Variants in SCAP observed in about 807,000 individuals in gnomAD.
SCAP encodes sterol regulatory element-binding protein cleavage-activating protein.
A neutral mutation model predicts 123.6 loss-of-function variants in SCAP; 65 were observed. That is an observed-to-expected ratio of 0.53 (90% CI 0.43 to 0.65). The LOEUF is 0.65. Among genes scored for constraint, SCAP ranks in the 30% least tolerant of loss-of-function variants. SCAP has a pLI of 0.00. For synonymous variants in SCAP, 740 were observed against 726.3 expected (o/e 1.02, Z -0.30); for missense variants, 1,398 against 1,712.5 (o/e 0.82, Z 3.24).
Position 47,422,538 on chromosome 3 carries a change from T to C in SCAP, c.1151-2A>G. On this transcript the variant is annotated splice_acceptor_variant, in intron 9 of 22. Transcript: ENST00000265565. LOFTEE classifies it high-confidence loss of function. ...TGGACCAGCTCTCGCTGCTTAGGCCTGCAGAGGGCAGCAACAGGGCACAGG... is the reference window on the plus strand; with the variant it reads ...TGGACCAGCTCTCGCTGCTTAGGCCCGCAGAGGGCAGCAACAGGGCACAGG... The C allele has an allele frequency of 1.2e-6, 2 of 1,609,978 alleles. No individual in the cohort carries two copies. The highest frequency in any genetic ancestry group is 1.7e-6 in the Non-Finnish European group (2 of 1,177,394).
At chr3:47,425,900 C>G in intron 7 of SCAP, 97 bp downstream of exon 7, 5 of 1,397,232 alleles carry the variant, frequency 3.6e-6, no homozygotes, top group Non-Finnish European at 3.9e-6. Flanking sequence ...TGTTCTATCT[C>G]TCTACCCCAA....
intron 1 of SCAP, among the ~76,000 whole-genome samples, chr3:47,452,971 C>T (rs1707280297): frequency 6.6e-6 from 1 of 151,938 alleles, no homozygotes; most frequent in Admixed American, 6.6e-5. Flanking sequence ...TGGCTCATGA[C>T]TGTAGTCCTG....
intron 14 of SCAP, 29 bp downstream of exon 14, chr3:47,418,626 T>TTCCACCCC: frequency 6.9e-7 from 1 of 1,459,576 alleles, no homozygotes; most frequent in Non-Finnish European, 9.5e-7. Flanking sequence ...CCGCACTCTT[T>TTCCACCCC]CCCACCCCAC....
rs756588071 is a variant in SCAP, at chr3:47,413,910, A to C, written c.3784T>G (p.Phe1262Val). ...VLDNAAIVCN[F>V]GSELSLVYVP... ...TACACCAGGCTGAGCTCACTGCCAA[A>C]GTTGCAGACAATGGCAGCGTTGTCC... The change falls in exon 23 of 23, where the codon TTT becomes GTT. Residue 1262 changes from phenylalanine (F) to valine (V), a missense_variant. This residue lies in a region of SCAP where 130 missense variants were observed against 166.7 expected (regional missense o/e 0.78). Transcript: ENST00000265565. The C allele has an allele frequency of 6.2e-7, 1 of 1,613,248 alleles. No homozygotes were observed. Among genetic ancestry groups the C allele is most frequent in the Non-Finnish European group, 8.5e-7 (1 of 1,180,030 alleles).
chr3:47,459,467 G>C (rs765843524), intron 1 of SCAP, among the ~76,000 whole-genome samples: 1 of 152,110 alleles, frequency 6.6e-6, no homozygotes, highest in Non-Finnish European at 1.5e-5. Context: ...TCTATTTTCC[G>C]TAAGTGTCGG....
chr3:47,420,495 A>G lies in SCAP; in HGVS notation c.1563+59T>C, dbSNP rs1705843757. On this transcript the variant is annotated intron_variant, in intron 12 of 22. Coordinates refer to ENST00000265565, the MANE Select transcript of SCAP (RefSeq NM_012235.4). The surrounding 1 kb of genome is among the most constrained non-coding windows in gnomAD (Gnocchi z 5.0). Reference sequence around the variant, plus strand: ...CTCTAAGGCCAAGTGCAGCACCACAAGGGGCCTGGAGCACCGGCCCTCCAG... The same window carrying G: ...CTCTAAGGCCAAGTGCAGCACCACAGGGGGCCTGGAGCACCGGCCCTCCAG... The G allele has an allele frequency of 7.0e-7, 1 of 1,436,100 alleles. No individual in the cohort carries two copies. The highest frequency in any genetic ancestry group is 2.4e-5 in the East Asian group (1 of 41,510). The allele number at this position is 1,436,100 out of a possible 1,614,324, so 89.0% of individuals were successfully genotyped here.
Position 47,475,909 on chromosome 3 carries a change from G to A in SCAP, c.-209C>T, listed in dbSNP as rs1422240639. 1 of 153,720 alleles carries A rather than the reference G, an allele frequency of 6.5e-6. No individual in the cohort carries two copies. Among genetic ancestry groups the A allele is most frequent in the East Asian group, 1.9e-4 (1 of 5,278 alleles). The allele number at this position is 153,720 out of a possible 1,614,324, so 9.5% of individuals were successfully genotyped here. On this transcript the variant is annotated 5_prime_UTR_variant, in exon 1 of 23. Transcript: ENST00000265565. Reference sequence around the variant, plus strand: ...CTCGGCCCGCAGTCCGGTGCGTGGCGCCCTCCCTCTCTCTCCTGGCCGCCG... The same window carrying A: ...CTCGGCCCGCAGTCCGGTGCGTGGCACCCTCCCTCTCTCTCCTGGCCGCCG...
intron 6 of SCAP, 28 bp from the exon 7 acceptor site, chr3:47,426,197 TG>T (rs1336908287): frequency 2.5e-6 from 4 of 1,602,944 alleles, no homozygotes; most frequent in African/African-American, 2.7e-5. Context: ...TGGGGGTAAA[TG>T]GAAGTGTTGC....
chr3:47,428,785 A>T, intron 3 of SCAP, 115 bp from the exon 4 acceptor site: 2 of 1,125,620 alleles, frequency 1.8e-6, no homozygotes. Context: ...AGTTAAAGAA[A>T]CCAATGACTA....
chr3:47,418,982 G>A (rs969253771), intron 13 of SCAP, 139 bp from the exon 14 acceptor site: 2 of 981,894 alleles, frequency 2.0e-6, no homozygotes, highest in Non-Finnish European at 2.9e-6. Context: ...GGGGGTTGGG[G>A]ACAGAGGTAG....
intron 17 of SCAP, 38 bp downstream of exon 17, chr3:47,417,266 G>A (rs762724444): frequency 3.0e-5 from 48 of 1,611,706 alleles, no homozygotes; most frequent in African/African-American, 5.3e-5. Context: ...TCCCCGGGGC[G>A]GACAGCCGCT....
intron 1 of SCAP, among the ~76,000 whole-genome samples, chr3:47,460,430 GAT>G (rs1190887467): frequency 6.6e-6 from 1 of 152,186 alleles, no homozygotes; most frequent in Non-Finnish European, 1.5e-5. Context: ...TTTGGGAACT[GAT>G]ATATGTCCAT....
upstream of SCAP, among the ~76,000 whole-genome samples, chr3:47,476,726 C>T (rs146752387): frequency 9.6e-4 from 146 of 152,280 alleles, no homozygotes; most frequent in African/African-American, 3.3e-3. Flanking sequence ...CAGGGCCTCA[C>T]AGAAGGGGAA....
In SCAP at chr3:47,469,344, C is replaced by CA. The variant is rs1281162636; in HGVS notation, c.-99+6454dup. 6.9e-4 allele frequency among the ~76,000 whole-genome samples: 103 copies of CA among 149,560 alleles called. 1 individual carries two copies. In the East Asian group the frequency reaches 0.012, roughly 18 times the overall value. On this transcript the variant is annotated intron_variant, in intron 1 of 22. Coordinates refer to ENST00000265565, the MANE Select transcript of SCAP (RefSeq NM_012235.4). ...CTTGAGTGACAAGGAGACTCCGTCT[C>CA]AAAAAAAAAATCACCAAATAATTTT...
intron 1 of SCAP, among the ~76,000 whole-genome samples, chr3:47,455,594 C>CAAAA (rs544006040): frequency 1.0e-3 from 43 of 42,374 alleles, no homozygotes; most frequent in Admixed American, 2.2e-3. Context: ...GACTCCACCT[C>CAAAA]AAAAAAAAAA....
intron 1 of SCAP, 177 bp from the exon 2 acceptor site, chr3:47,443,268 ACACACACACTCTCTCTCTCTCTCT>A (rs1706882738): frequency 7.0e-6 from 1 of 142,540 alleles, no homozygotes; most frequent in African/African-American, 5.0e-5. Flanking sequence ...ACACACACAC[ACACACACACTCTCTCTCTCTCTCT>A]CTCTCTCTCT....
rs775823404 is a variant in SCAP at position 47,418,840 on chromosome 3, G to A, written c.1944C>T (p.Tyr648=). 2 of 1,521,716 alleles carry A rather than the reference G, an allele frequency of 1.3e-6. No individual in the cohort carries two copies. The highest frequency in any genetic ancestry group is 1.8e-6 in the Non-Finnish European group (2 of 1,138,188). The allele number at this position is 1,521,716 out of a possible 1,614,324, so 94.3% of individuals were successfully genotyped here. ...CTGGGATGACGGGCAGCAGGCTGAT[G>A]TACCTGGATTCGGACAGTGGGCAGC... The part of the protein sequence containing the change: ...SYYNITLAKR[Y]ISLLPVIPVT... The change falls in exon 14 of 23, where the codon TAC becomes TAT. Residue 648 remains tyrosine, a synonymous_variant. Transcript: ENST00000265565.
intron 1 of SCAP, among the ~76,000 whole-genome samples, chr3:47,455,719 A>G (rs1331722230): frequency 6.6e-6 from 1 of 152,184 alleles, no homozygotes; most frequent in Non-Finnish European, 1.5e-5. Flanking sequence ...ATATAACGTA[A>G]CCAAAGTGTC....
chr3:47,416,906 G>A (rs367786459), intron 18 of SCAP, among the ~76,000 whole-genome samples: 2 of 151,824 alleles, frequency 1.3e-5, no homozygotes, highest in Non-Finnish European at 2.9e-5. Flanking sequence ...GATTACAGGC[G>A]TGAGCCACCG....
Sources: allele counts gnomAD v4.1 joint callset (sites outside exome capture counted in the v4.1 genomes callset), GRCh38; gene constraint gnomAD v4.1.1; regional missense constraint gnomAD v4.1.1; non-coding constraint Gnocchi (gnomAD v3.1); transcripts MANE v1.5; gene names NCBI Gene and HGNC (gene_info 2026-07-23, HGNC 2026-07-21).